The following PLA2G5 variants were observed in gnomAD, a reference collection of about 807,000 sequenced individuals.
PLA2G5 encodes the protein Ca2+-dependent phospholipase A2.
Under a neutral mutation model 15.9 loss-of-function variants are expected in PLA2G5, and 12 were observed. That is an observed-to-expected ratio of 0.76 (90% CI 0.48 to 1.23). PLA2G5 has a LOEUF of 1.23. Among genes scored for constraint, PLA2G5 ranks in the 50% most tolerant of loss-of-function variants. The pLI is 0.00. For synonymous variants in PLA2G5, 71 were observed against 71.4 expected (o/e 0.99, Z 0.03); for missense variants, 169 against 177.1 (o/e 0.95, Z 0.26).
At chr1:20,067,895 G>A (rs1280637550), upstream of PLA2G5, among the ~76,000 whole-genome samples, 1 of 152,182 alleles carries the variant, frequency 6.6e-6, no homozygotes, top group Non-Finnish European at 1.5e-5. Context: ...GAGGCAGGCG[G>A]ATCTCCTGAG....
chr1:20,057,798 T>C (rs1255158216), intron 1 of PLA2G5, among the ~76,000 whole-genome samples: 1 of 152,160 alleles, frequency 6.6e-6, no homozygotes, highest in East Asian at 1.9e-4. Flanking sequence ...CGCACCCTAC[T>C]GCATCTTACA....
At chr1:20,051,808 G>T (rs971313350) in intron 1 of PLA2G5, among the ~76,000 whole-genome samples, 11 of 152,162 alleles carry the variant, frequency 7.2e-5, no homozygotes, top group African/African-American at 2.7e-4. Flanking sequence ...CCTGTACAGG[G>T]TTCCTGACCT....
upstream of PLA2G5, among the ~76,000 whole-genome samples, chr1:20,068,096 C>T (rs1345584844): frequency 8.6e-5 from 13 of 151,564 alleles, no homozygotes; most frequent in East Asian, 1.9e-4. Flanking sequence ...CCAGCCTGGG[C>T]GACAAGAGCG....
intron 2 of PLA2G5, among the ~76,000 whole-genome samples, chr1:20,063,065 A>G (rs2014819938): frequency 6.6e-6 from 1 of 152,112 alleles, no homozygotes; most frequent in Non-Finnish European, 1.5e-5. Flanking sequence ...GCATAGTGCC[A>G]TGTGCCTGTA....
intron 1 of PLA2G5, among the ~76,000 whole-genome samples, chr1:20,052,743 T>C (rs10799608): frequency 0.12 from 18,658 of 152,254 alleles, 1,373 homozygotes; most frequent in Admixed American, 0.23. Flanking sequence ...AAAGTAAATC[T>C]TGTGGCCCCC....
At chr1:20,049,885 G>A (rs938923562) in intron 1 of PLA2G5, among the ~76,000 whole-genome samples, 5 of 152,044 alleles carry the variant, frequency 3.3e-5, no homozygotes, top group East Asian at 1.9e-4. Flanking sequence ...AAATAGTAAC[G>A]CTCTCCTTCA....
intron 1 of PLA2G5, among the ~76,000 whole-genome samples, chr1:20,080,316 CT>C (rs1431117147): frequency 6.6e-6 from 1 of 152,160 alleles, no homozygotes; most frequent in African/African-American, 2.4e-5. Flanking sequence ...ACAGCTGCTT[CT>C]GTGGCAGTAA....
chr1:20,071,425 C>G (rs529432650), intron 1 of PLA2G5, among the ~76,000 whole-genome samples: 9 of 152,276 alleles, frequency 5.9e-5, no homozygotes, highest in African/African-American at 2.2e-4. Context: ...AAATATGTAT[C>G]ATGCCCTACA....
intron 1 of PLA2G5, among the ~76,000 whole-genome samples, chr1:20,053,244 A>C (rs1037336864): frequency 6.6e-6 from 1 of 152,164 alleles, no homozygotes; most frequent in African/African-American, 2.4e-5. Context: ...TCTGACAGGA[A>C]TTTTTAAATT....
chr1:20,080,630 A>T (rs1203780687), intron 1 of PLA2G5, among the ~76,000 whole-genome samples: 3 of 152,086 alleles, frequency 2.0e-5, no homozygotes, highest in Non-Finnish European at 4.4e-5. Flanking sequence ...ATGGAAAAAA[A>T]TCCCCAGGGG....
At chr1:20,069,697 AAGAAAGAAAGAAAGAAAG>A (rs2015243869), upstream of PLA2G5, among the ~76,000 whole-genome samples, 1 of 90,904 alleles carries the variant, frequency 1.1e-5, no homozygotes, top group Non-Finnish European at 3.0e-5. Flanking sequence ...GAAAGAAAGA[AAGAAAGAAAGAAAGAAAG>A]AAACCAGATT....
chr1:20,076,525 G>A (rs776910927), intron 1 of PLA2G5, among the ~76,000 whole-genome samples: 18 of 152,154 alleles, frequency 1.2e-4, no homozygotes, highest in Non-Finnish European at 1.8e-4. Flanking sequence ...TCAGGTGTAC[G>A]ATTCTGGGTC....
chr1:20,059,557 A>G (rs1341737352), intron 1 of PLA2G5: 1 of 152,256 alleles, frequency 6.6e-6, no homozygotes, highest in African/African-American at 2.4e-5. Context: ...CATCAGTCAG[A>G]TAAATGAAAG....
chr1:20,078,507 G>A (rs975846748), intron 1 of PLA2G5, among the ~76,000 whole-genome samples: 11 of 152,078 alleles, frequency 7.2e-5, no homozygotes, highest in Non-Finnish European at 1.0e-4. Context: ...TCTGATCACC[G>A]CCAGACACCA....
chr1:20,045,789 G>A (rs539073457), intron 1 of PLA2G5, among the ~76,000 whole-genome samples: 1 of 152,308 alleles, frequency 6.6e-6, no homozygotes, highest in East Asian at 1.9e-4. Flanking sequence ...TAAATGTCAT[G>A]CGTGTCCATG....
intron 2 of PLA2G5, 52 bp downstream of exon 2, chr1:20,084,922 C>A: frequency 7.7e-7 from 1 of 1,296,794 alleles, no homozygotes; most frequent in Non-Finnish European, 1.1e-6. Context: ...ATGGGAGTAA[C>A]AGGGTGGTGA....
At chr1:20,068,919 C>T (rs772268923), upstream of PLA2G5, 140 of 1,288,718 alleles carry the variant, frequency 1.1e-4, no homozygotes, top group Non-Finnish European at 1.4e-4. Flanking sequence ...CTACGTCCTT[C>T]TCCAACACAG....
upstream of PLA2G5, among the ~76,000 whole-genome samples, chr1:20,068,613 G>A (rs1435763130): frequency 8.6e-5 from 13 of 151,836 alleles, no homozygotes; most frequent in Non-Finnish European, 4.4e-5. Flanking sequence ...CACCATGCCT[G>A]GCTAATTTTA....
intron 2 of PLA2G5, among the ~76,000 whole-genome samples, chr1:20,063,283 CCATTCCAT>C (rs2014836390): frequency 6.6e-6 from 1 of 152,112 alleles, no homozygotes; most frequent in African/African-American, 2.4e-5. Flanking sequence ...TGATGGCTGC[CCATTCCAT>C]CATTTTTTCA....
Sources: gnomAD v4.1 joint callset for allele counts (sites outside exome capture counted in the v4.1 genomes callset) on GRCh38, gnomAD v4.1.1 for gene constraint, MANE v1.5 for transcripts, NCBI Gene and HGNC (gene_info 2026-07-23, HGNC 2026-07-21) for gene names.